The following PDIK1L variants were observed in gnomAD, a reference collection of about 807,000 sequenced individuals.
The protein encoded by PDIK1L is PDLIM1 interacting kinase 1 like.
In PDIK1L, 9 loss-of-function variants were observed where a neutral mutation model predicts 27.1. The ratio of observed to expected loss-of-function variants is 0.33; its 90% CI spans 0.20 to 0.58. PDIK1L has a LOEUF of 0.58. PDIK1L is among the 20% of genes least tolerant of loss of function. The pLI is 0.86. For synonymous variants in PDIK1L, 130 were observed against 141.7 expected, an observed-to-expected ratio of 0.92 and a Z score of 0.59; for missense variants, 216 against 413.2, an observed-to-expected ratio of 0.52 and a Z score of 4.14.
At chr1:26,113,121 T>A (rs903743520) in intron 1 of PDIK1L, among the ~76,000 whole-genome samples, 10 of 152,250 alleles carry the variant, frequency 6.6e-5, no homozygotes, top group African/African-American at 2.2e-4. Context: ...ATAAAAATTT[T>A]AAAATAGCTA....
chr1:26,115,024 G>A (rs2087855495), intron 2 of PDIK1L, among the ~76,000 whole-genome samples: 1 of 152,230 alleles, frequency 6.6e-6, no homozygotes, highest in Admixed American at 6.5e-5. Flanking sequence ...AGCCTCTGCT[G>A]TTTTAGAGGG....
At chr1:26,111,330 G>T (rs1275831249), upstream of PDIK1L, 1 of 152,482 alleles carries the variant, frequency 6.6e-6, no homozygotes, top group Non-Finnish European at 1.5e-5. This position sits in a 1 kb window ranked among gnomAD's most constrained non-coding sequence, Gnocchi z 4.0. Flanking sequence ...GCCCGCCAAA[G>T]AGCACCGCGC....
chr1:26,117,033 T>C (rs2087889395), intron 2 of PDIK1L, among the ~76,000 whole-genome samples: 2 of 103,736 alleles, frequency 1.9e-5, no homozygotes, highest in South Asian at 2.6e-4. Flanking sequence ...TTTTTTTTTT[T>C]TTTTTTTTTC....
intron 2 of PDIK1L, among the ~76,000 whole-genome samples, chr1:26,119,731 T>C (rs1001933460): frequency 2.6e-5 from 4 of 152,032 alleles, no homozygotes; most frequent in Non-Finnish European, 5.9e-5. Context: ...TAGTGGCGCA[T>C]GCCTGTAGTC....
rs2087801190 is a variant in PDIK1L, at chr1:26,111,869, G to A, written c.-64G>A. ...GAGGCGCGAGCTGCCCGATAATGGC[G>A]GCCTGCAGAGCCCATGAGAGGGAGA... On this transcript the variant is annotated 5_prime_UTR_variant, in exon 1 of 3. Coordinates refer to ENST00000374269, the MANE Select transcript of PDIK1L (RefSeq NM_152835.5). The surrounding 1 kb of genome is among the most constrained non-coding windows in gnomAD (Gnocchi z 4.0). 6.6e-6 allele frequency: 1 copy of A among 152,166 alleles called. No individual in the cohort carries two copies. Among genetic ancestry groups the A allele is most frequent in the Non-Finnish European group, 1.5e-5 (1 of 68,104 alleles). 9.4% of individuals were successfully genotyped at this position (152,166 alleles called of 1,614,324 possible).
At chr1:26,113,741 G>A (rs1423674529) in intron 1 of PDIK1L, among the ~76,000 whole-genome samples, 1 of 152,174 alleles carries the variant, frequency 6.6e-6, no homozygotes, top group African/African-American at 2.4e-5. Flanking sequence ...TGTTTTTGCT[G>A]TTTTATGACC....
chr1:26,119,354 G>A (rs1022415036), intron 2 of PDIK1L, among the ~76,000 whole-genome samples: 5 of 152,060 alleles, frequency 3.3e-5, no homozygotes, highest in African/African-American at 1.2e-4. Context: ...GCTGCGGTGA[G>A]CCATGATGGT....
In PDIK1L at chr1:26,117,667, C is replaced by T. The variant is rs151175609; in HGVS notation, c.285+3074C>T. Among the ~76,000 whole-genome samples the T allele has an allele frequency of 3.6e-3, 555 of 152,174 alleles. 2 individuals carry two copies. Among genetic ancestry groups the T allele is most frequent in the Admixed American group, 6.7e-3 (103 of 15,286 alleles). ...CTGAGGCAGGAGAATTGCTTGAACCCGGGAGGCAGAGATTGCAGTGAGCCA... is the reference window on the plus strand; with the variant it reads ...CTGAGGCAGGAGAATTGCTTGAACCTGGGAGGCAGAGATTGCAGTGAGCCA... On this transcript the variant is annotated intron_variant, in intron 2 of 2. Transcript: ENST00000374269.
intron 1 of PDIK1L, among the ~76,000 whole-genome samples, chr1:26,113,381 A>G (rs986896347): frequency 2.0e-5 from 3 of 151,648 alleles, no homozygotes; most frequent in East Asian, 1.9e-4. Context: ...AGTCCCAGCT[A>G]CTCGGGAGGC....
At position 26,123,727 on chromosome 1, in the gene PDIK1L, A is replaced by G. The variant is rs898027955; in HGVS notation, c.*1150A>G. The G allele has an allele frequency of 6.6e-6, 1 of 152,634 alleles. No individual in the cohort carries two copies. The highest frequency in any genetic ancestry group is 1.5e-5 in the Non-Finnish European group (1 of 68,026). 9.5% of individuals were successfully genotyped at this position (152,634 alleles called of 1,614,324 possible). A position where few individuals can be genotyped will look rare whatever the true frequency, so the allele number is the denominator to read the frequency against. On this transcript the variant is annotated 3_prime_UTR_variant, in exon 3 of 3. Transcript: ENST00000374269. ...GTTGAAAATGTGATCACCTTTATCTAAAGTGGGAGAAGATACATACACAGT... is the reference window on the plus strand; with the variant it reads ...GTTGAAAATGTGATCACCTTTATCTGAAGTGGGAGAAGATACATACACAGT...
At chr1:26,113,054 C>G (rs1384133950) in intron 1 of PDIK1L, among the ~76,000 whole-genome samples, 1 of 152,128 alleles carries the variant, frequency 6.6e-6, no homozygotes, top group African/African-American at 2.4e-5. Context: ...CAAAAATGAC[C>G]TAGAACTAAA....
At chr1:26,113,725 G>C (rs989173841) in intron 1 of PDIK1L, among the ~76,000 whole-genome samples, 1 of 152,064 alleles carries the variant, frequency 6.6e-6, no homozygotes, top group African/African-American at 2.4e-5. Context: ...AACTGTGAGG[G>C]GGTTTTGTTT....
chr1:26,120,253 T>C (rs2087956510), intron 2 of PDIK1L, among the ~76,000 whole-genome samples: 1 of 152,246 alleles, frequency 6.6e-6, no homozygotes, highest in Non-Finnish European at 1.5e-5. Context: ...GGCCTTACTC[T>C]AAAACATTCT....
chr1:26,116,370 C>G (rs1240573797), intron 2 of PDIK1L, among the ~76,000 whole-genome samples: 1 of 151,742 alleles, frequency 6.6e-6, no homozygotes, highest in Non-Finnish European at 1.5e-5. Context: ...AAAAATTAGC[C>G]AGGCATGGTG....
intron 2 of PDIK1L, among the ~76,000 whole-genome samples, chr1:26,120,857 C>T (rs1197135998): frequency 6.7e-6 from 1 of 149,742 alleles, no homozygotes; most frequent in Non-Finnish European, 1.5e-5. Flanking sequence ...GAGGCCGAGG[C>T]AGGAGAATCT....
At chr1:26,113,415 C>T (rs984580584) in intron 1 of PDIK1L, among the ~76,000 whole-genome samples, 1 of 149,906 alleles carries the variant, frequency 6.7e-6, no homozygotes, top group African/African-American at 2.4e-5. Context: ...TGGCGTGAAC[C>T]TGGGAGGCGG....
At chr1:26,111,533 C>A (rs1443455896), upstream of PDIK1L, 4 of 151,434 alleles carry the variant, frequency 2.6e-5, no homozygotes, top group Admixed American at 1.3e-4. The surrounding 1 kb of genome is among the most constrained non-coding windows in gnomAD (Gnocchi z 4.0). Flanking sequence ...CCTGAGCGCC[C>A]GCTGCGGCTG....
chr1:26,118,737 G>C (rs1448387823), intron 2 of PDIK1L, among the ~76,000 whole-genome samples: 1 of 152,164 alleles, frequency 6.6e-6, no homozygotes, highest in African/African-American at 2.4e-5. Flanking sequence ...TAGTTGTCCA[G>C]ACATTCATCA....
At chr1:26,116,371 A>G (rs1255856339) in intron 2 of PDIK1L, among the ~76,000 whole-genome samples, 1 of 150,958 alleles carries the variant, frequency 6.6e-6, no homozygotes, top group Admixed American at 6.6e-5. Flanking sequence ...AAAATTAGCC[A>G]GGCATGGTGG....
Sources: allele counts gnomAD v4.1 joint callset (sites outside exome capture counted in the v4.1 genomes callset), GRCh38; gene constraint gnomAD v4.1.1; non-coding constraint Gnocchi (gnomAD v3.1); transcripts MANE v1.5; gene names NCBI Gene and HGNC (gene_info 2026-07-23, HGNC 2026-07-21).